Variants in ANKRD44 observed in about 807,000 individuals in gnomAD.
ANKRD44 encodes serine/threonine-protein phosphatase 6 regulatory ankyrin repeat subunit B.
ANKRD44 carries 35 observed loss-of-function variants against 116.0 expected under a neutral mutation model. The ratio of observed to expected loss-of-function variants is 0.30; its 90% confidence interval spans 0.23 to 0.40. The LOEUF is 0.40. Ranked by LOEUF, ANKRD44 falls within the 10% of genes least tolerant of loss-of-function variation. The pLI is 1.00. For missense variants in ANKRD44, 1,014 were observed against 1,242.6 expected, an observed-to-expected ratio of 0.82 and a Z score of 2.77; for synonymous variants, 435 against 461.8, an observed-to-expected ratio of 0.94 and a Z score of 0.74.
Position 196,989,402 on chromosome 2 carries a change from C to T in ANKRD44, c.*189G>A. On this transcript the variant is annotated 3_prime_UTR_variant, in exon 28 of 28. Transcript: ENST00000282272. ...TACACAGAAAGATTACATTTAACTC[C>T]ATAAAAAAGCTACTTCAGTTCTCAC... 1 of 1,189,234 alleles carries T rather than the reference C, an allele frequency of 8.4e-7. No individual in the cohort carries two copies. Among genetic ancestry groups the T allele is most frequent in the Non-Finnish European group, 1.0e-6 (1 of 957,622 alleles). 73.7% of individuals were successfully genotyped at this position (1,189,234 alleles called of 1,614,324 possible). A position where few individuals can be genotyped will look rare whatever the true frequency, so the allele number is the denominator to read the frequency against.
At chr2:197,255,294 T>G (rs1034609197) in intron 1 of ANKRD44, among the ~76,000 whole-genome samples, 1 of 152,220 alleles carries the variant, frequency 6.6e-6, no homozygotes, top group Admixed American at 6.5e-5. Context: ...TCCCATCATT[T>G]GGAAGCTCAG....
chr2:197,295,681 T>C (rs1296866590), intron 1 of ANKRD44, among the ~76,000 whole-genome samples: 1 of 152,162 alleles, frequency 6.6e-6, no homozygotes, highest in African/African-American at 2.4e-5. Flanking sequence ...GTATAATGAC[T>C]GGCCAGGATC....
chr2:197,261,670 G>C (rs1310818840), intron 1 of ANKRD44, among the ~76,000 whole-genome samples: 2 of 152,158 alleles, frequency 1.3e-5, no homozygotes, highest in African/African-American at 4.8e-5. Flanking sequence ...CATAGTAGCT[G>C]TTATTACTGC....
chr2:197,302,756 T>C (rs1420136579), intron 1 of ANKRD44, among the ~76,000 whole-genome samples: 1 of 152,186 alleles, frequency 6.6e-6, no homozygotes, highest in African/African-American at 2.4e-5. Flanking sequence ...GGTGATTACA[T>C]GTAGGAATTT....
chr2:197,200,857 C>G (rs16863138), intron 1 of ANKRD44, among the ~76,000 whole-genome samples: 8,321 of 152,272 alleles, frequency 0.055, 737 homozygotes, highest in African/African-American at 0.19. Flanking sequence ...CAGTGTTGGT[C>G]TTTCACTCTA....
intron 21 of ANKRD44, among the ~76,000 whole-genome samples, chr2:197,002,774 T>C (rs1034867985): frequency 3.9e-5 from 6 of 152,220 alleles, no homozygotes; most frequent in Admixed American, 6.5e-5. Context: ...TCTGTGGTTC[T>C]CAATTCTAAT....
intron 10 of ANKRD44, among the ~76,000 whole-genome samples, chr2:197,093,808 T>G (rs2078100678): frequency 6.6e-6 from 1 of 152,180 alleles, no homozygotes; most frequent in Admixed American, 6.5e-5. Flanking sequence ...CTTAGCCAAT[T>G]AAGAAGCATC....
intron 16 of ANKRD44, among the ~76,000 whole-genome samples, chr2:197,025,713 T>C (rs1209026809): frequency 1.3e-5 from 2 of 152,222 alleles, no homozygotes; most frequent in Non-Finnish European, 2.9e-5. Flanking sequence ...GGGGATGTGA[T>C]ATGGAGTGAC....
At chr2:197,016,581 C>A (rs752938911) in intron 17 of ANKRD44, among the ~76,000 whole-genome samples, 4 of 152,190 alleles carry the variant, frequency 2.6e-5, no homozygotes, top group Admixed American at 6.5e-5. Context: ...CTATTCTCCC[C>A]ATTTCCAAAC....
At chr2:197,066,314 C>A (rs1338340018) in intron 16 of ANKRD44, among the ~76,000 whole-genome samples, 1 of 152,092 alleles carries the variant, frequency 6.6e-6, no homozygotes, top group Non-Finnish European at 1.5e-5. Context: ...CTATTTATGA[C>A]AAACCCACAG....
chr2:197,292,465 C>A (rs865908628), intron 1 of ANKRD44, among the ~76,000 whole-genome samples: 1 of 152,176 alleles, frequency 6.6e-6, no homozygotes. Flanking sequence ...GAAGGTGGGA[C>A]ACTCAAATCA....
chr2:197,159,000 CACACACAT>C (rs1296884096), intron 2 of ANKRD44, among the ~76,000 whole-genome samples: 4 of 151,532 alleles, frequency 2.6e-5, no homozygotes, highest in African/African-American at 7.3e-5. Context: ...CACACACACA[CACACACAT>C]ACACACACAT....
rs769348467 is a variant in ANKRD44 at position 197,083,449 on chromosome 2, G to A, written c.1377C>T (p.Thr459=). Residue 459 remains threonine, a synonymous_variant, in exon 14 of 28, where the codon ACC becomes ACT. Coordinates refer to ENST00000282272, the MANE Select transcript of ANKRD44 (RefSeq NM_001195144.2). ...CHFHCIETLV[T]TGANVNETDD... The stretch of plus-strand genomic sequence containing the variant: ...CTGTTTCATTAACGTTGGCCCCTGT[G>A]GTCACTAATGTCTCAATACAGTGGA... 1.5e-5 allele frequency: 24 copies of A among 1,613,796 alleles called. No homozygotes were observed. The highest frequency in any genetic ancestry group is 3.3e-4 in the Middle Eastern group (2 of 6,076).
intron 1 of ANKRD44, among the ~76,000 whole-genome samples, chr2:197,243,437 G>C (rs1231557861): frequency 6.6e-6 from 1 of 151,672 alleles, no homozygotes; most frequent in Non-Finnish European, 1.5e-5. Flanking sequence ...CATTTTGTAT[G>C]TGTTAACTGA....
rs979565639 is a variant in ANKRD44, at chr2:196,988,081, A to C, written c.*1510T>G. The C allele has an allele frequency of 2.0e-6, 2 of 985,416 alleles. No homozygotes were observed. The highest frequency in any genetic ancestry group is 1.1e-4 in the East Asian group (1 of 8,814). The allele number at this position is 985,416 out of a possible 1,614,324, so 61.0% of individuals were successfully genotyped here. A position where few individuals can be genotyped will look rare whatever the true frequency, so the allele number is the denominator to read the frequency against. ...CTTCTATGAGTAAGAGAGTGGGAAA[A>C]GTCAAAACGCAGCTCCATGGAGATA... On this transcript the variant is annotated 3_prime_UTR_variant, in exon 28 of 28. Coordinates refer to ENST00000282272, the MANE Select transcript of ANKRD44 (RefSeq NM_001195144.2).
At chr2:197,018,301 G>C (rs2076429841) in intron 17 of ANKRD44, among the ~76,000 whole-genome samples, 1 of 152,098 alleles carries the variant, frequency 6.6e-6, no homozygotes, top group Non-Finnish European at 1.5e-5. Flanking sequence ...CAGGCCCCCA[G>C]AATCTGGCCT....
At position 197,013,505 on chromosome 2, in the gene ANKRD44, A is replaced by C; in HGVS notation, c.1924+6T>G. 1 of 1,614,096 alleles carries C rather than the reference A, an allele frequency of 6.2e-7. No individual in the cohort carries two copies. The highest frequency in any genetic ancestry group is 8.5e-7 in the Non-Finnish European group (1 of 1,179,942). ...CTAGGGTAATCAGGCCCTTGACAAG[A>C]CCTACCTGAGGCATGAAGTGGGGTT... On this transcript the variant is annotated splice_donor_region_variant and intron_variant, in intron 18 of 27. Transcript: ENST00000282272.
At chr2:196,974,618 C>T (rs1307834958) in intron 21 of ANKRD44, among the ~76,000 whole-genome samples, 1 of 151,634 alleles carries the variant, frequency 6.6e-6, no homozygotes, top group Non-Finnish European at 1.5e-5. Context: ...GGACAGGTGC[C>T]GTGGCTCATG....
downstream of ANKRD44, among the ~76,000 whole-genome samples, chr2:196,985,932 A>G (rs2075833712): frequency 1.3e-5 from 2 of 152,190 alleles, no homozygotes; most frequent in Non-Finnish European, 2.9e-5. Context: ...GTGTTGTTAT[A>G]AAGTCCCTGA....
Sources: allele counts gnomAD v4.1 joint callset (sites outside exome capture counted in the v4.1 genomes callset), GRCh38; gene constraint gnomAD v4.1.1; transcripts MANE v1.5; gene names NCBI Gene and HGNC (gene_info 2026-07-23, HGNC 2026-07-21).